Variants in GMDS observed in about 807,000 individuals in gnomAD.
GMDS encodes GDP-mannose 4,6-dehydratase, also known as GDP-mannose 4,6 dehydratase.
A neutral mutation model predicts 49.9 loss-of-function variants in GMDS; 20 were observed. That is an observed-to-expected ratio of 0.40 (90% CI 0.28 to 0.58). The LOEUF (loss-of-function observed/expected upper bound fraction) is 0.58, where lower values mean the gene tolerates loss of function less well. Ranked by LOEUF, GMDS falls within the 20% of genes least tolerant of loss-of-function variation. The probability of loss-of-function intolerance (pLI) is 0.42; values close to 1 mark genes in which losing one functional copy is unlikely to be tolerated. For missense variants in GMDS, 362 were observed against 481.4 expected (o/e 0.75, Z 2.32); for synonymous variants, 177 against 178.6 (o/e 0.99, Z 0.07).
At chr6:1,992,042 T>C (rs1765978600) in intron 4 of GMDS, among the ~76,000 whole-genome samples, 2 of 152,238 alleles carry the variant, frequency 1.3e-5, no homozygotes. Context: ...ACAGCCCTGC[T>C]GACACCTTAG....
chr6:2,130,886 TG>T (rs1429218513), intron 1 of GMDS, among the ~76,000 whole-genome samples: 1 of 152,230 alleles, frequency 6.6e-6, no homozygotes. Flanking sequence ...TTTCATTTTT[TG>T]ACTGGTAGTA....
At chr6:1,687,654 A>G (rs1437766326) in intron 9 of GMDS, among the ~76,000 whole-genome samples, 1 of 152,076 alleles carries the variant, frequency 6.6e-6, no homozygotes, top group Non-Finnish European at 1.5e-5. Flanking sequence ...TTCTAGCGGG[A>G]GGAGAGACAC....
rs68171156 is a variant in GMDS, at chr6:2,243,843, C to CTTTTTTTTT, written c.102+1469_102+1477dup. Among the ~76,000 whole-genome samples the CTTTTTTTTT allele has an allele frequency of 1.9e-3, 109 of 58,144 alleles. 15 individuals are homozygous for CTTTTTTTTT. The highest frequency in any genetic ancestry group is 6.1e-3 in the African/African-American group (102 of 16,654). 38.1% of individuals were successfully genotyped at this position (58,144 alleles called of 152,430 possible). A position where few individuals can be genotyped will look rare whatever the true frequency, so the allele number is the denominator to read the frequency against. On this transcript the variant is annotated intron_variant, in intron 1 of 10. Coordinates refer to ENST00000380815, the MANE Select transcript of GMDS (RefSeq NM_001500.4). ...ATCTGGCCAATTTCAACTTCTCCTT[C>CTTTTTTTTT]TTTTTTTTTTTTTTTTTTTTTTTTT...
intron 7 of GMDS, among the ~76,000 whole-genome samples, chr6:1,782,029 T>C (rs1350214781): frequency 1.3e-5 from 2 of 152,190 alleles, no homozygotes; most frequent in Non-Finnish European, 2.9e-5. Flanking sequence ...CAAAAGGATC[T>C]GAGAGTCTTG....
At chr6:1,658,832 T>C (rs1233927646) in intron 9 of GMDS, among the ~76,000 whole-genome samples, 1 of 152,226 alleles carries the variant, frequency 6.6e-6, no homozygotes, top group Non-Finnish European at 1.5e-5. Context: ...CCAGCCAAGC[T>C]CGCAGTTACA....
At chr6:1,771,136 A>T (rs528131934) in intron 7 of GMDS, among the ~76,000 whole-genome samples, 88 of 152,322 alleles carry the variant, frequency 5.8e-4, no homozygotes, top group African/African-American at 1.9e-3. Flanking sequence ...TAAAATATCA[A>T]TATTCTTTTG....
chr6:2,229,800 A>C (rs1780995011), intron 1 of GMDS, among the ~76,000 whole-genome samples: 2 of 152,348 alleles, frequency 1.3e-5, no homozygotes, highest in African/African-American at 4.8e-5. Flanking sequence ...TTGACCTATA[A>C]GATAAATGAA....
rs142882848 is a variant in GMDS, at chr6:2,108,153, A to G, written c.345+7618T>C. Among the ~76,000 whole-genome samples, 699 of 152,358 alleles carry G rather than the reference A, an allele frequency of 4.6e-3. 1 individual carries two copies. Among genetic ancestry groups the G allele is most frequent in the Middle Eastern group, 0.01 (3 of 294 alleles). On this transcript the variant is annotated intron_variant, in intron 4 of 10. Transcript: ENST00000380815. Reference sequence around the variant, plus strand: ...GGACAAAAATGTATTTTCAGTGCTAAAGCAGAAATATTTATTTTTAGATCT... The same window carrying G: ...GGACAAAAATGTATTTTCAGTGCTAGAGCAGAAATATTTATTTTTAGATCT...
In GMDS at chr6:2,145,756, G is replaced by C. The variant is rs890974752; in HGVS notation, c.103-21025C>G. ...ATAAGTAATCTAGAGATGATTTAAA[G>C]TATACGGAGGACTGCAGTCCCAGCT... On this transcript the variant is annotated intron_variant, in intron 1 of 10. Transcript: ENST00000380815. Among the ~76,000 whole-genome samples, 3 of 152,146 alleles carry C rather than the reference G, an allele frequency of 2.0e-5. No homozygotes were observed. In the South Asian group the frequency reaches 6.2e-4, roughly 32 times the overall value.
intron 4 of GMDS, among the ~76,000 whole-genome samples, chr6:2,093,927 T>C (rs943489141): frequency 2.7e-4 from 41 of 152,228 alleles, no homozygotes; most frequent in African/African-American, 9.6e-4. Flanking sequence ...ACAGTGCTTA[T>C]GGTGGGAGAC....
intron 4 of GMDS, among the ~76,000 whole-genome samples, chr6:1,998,884 A>T (rs540119633): frequency 6.3e-4 from 81 of 129,040 alleles, no homozygotes; most frequent in Middle Eastern, 4.0e-3. Context: ...TGTTTTTTTT[A>T]AAACAAAAAG....
chr6:1,816,295 C>A (rs73409362), intron 7 of GMDS, among the ~76,000 whole-genome samples: 2,659 of 152,268 alleles, frequency 0.017, 88 homozygotes, highest in African/African-American at 0.059. Context: ...CATCTTTGTA[C>A]CACCTTAGAG....
chr6:1,873,217 A>T (rs747334617), intron 7 of GMDS, among the ~76,000 whole-genome samples: 2 of 152,230 alleles, frequency 1.3e-5, no homozygotes, highest in African/African-American at 4.8e-5. Context: ...TGAAGAGAAA[A>T]GGGTTATCTA....
intron 1 of GMDS, among the ~76,000 whole-genome samples, chr6:2,177,058 A>G (rs1426880135): frequency 1.3e-5 from 2 of 152,184 alleles, no homozygotes; most frequent in African/African-American, 4.8e-5. Flanking sequence ...CCAGTAAGAA[A>G]AGTCTTTGGT....
intron 4 of GMDS, among the ~76,000 whole-genome samples, chr6:1,976,356 A>C (rs1418676233): frequency 1.3e-5 from 2 of 152,240 alleles, no homozygotes; most frequent in East Asian, 3.8e-4. Flanking sequence ...CAAATTTAAT[A>C]ACAGGAACTA....
At chr6:1,890,360 T>A (rs1759814183) in intron 7 of GMDS, among the ~76,000 whole-genome samples, 1 of 152,200 alleles carries the variant, frequency 6.6e-6, no homozygotes, top group South Asian at 2.1e-4. Context: ...TGTCCTTTCA[T>A]GTCGGCTGAA....
At chr6:1,647,701 T>C (rs988777716) in intron 9 of GMDS, among the ~76,000 whole-genome samples, 19 of 152,150 alleles carry the variant, frequency 1.2e-4, no homozygotes, top group African/African-American at 4.6e-4. Context: ...GTCCTCACTC[T>C]TGTGTGGAAC....
At chr6:2,228,026 G>A (rs776216854) in intron 1 of GMDS, among the ~76,000 whole-genome samples, 19 of 152,202 alleles carry the variant, frequency 1.2e-4, no homozygotes, top group South Asian at 4.1e-4. Context: ...TAAAAAGAAG[G>A]CAAGCAGCTT....
chr6:1,645,912 C>T (rs902763280), intron 9 of GMDS, among the ~76,000 whole-genome samples: 4 of 152,206 alleles, frequency 2.6e-5, no homozygotes, highest in African/African-American at 9.6e-5. Context: ...CCACCCACTA[C>T]CCTGTCGTCT....
Sources: allele counts gnomAD v4.1 joint callset (sites outside exome capture counted in the v4.1 genomes callset), GRCh38; gene constraint gnomAD v4.1.1; transcripts MANE v1.5; gene names NCBI Gene and HGNC (gene_info 2026-07-23, HGNC 2026-07-21).